LILRB5: variants seen among roughly 807,000 people sequenced by gnomAD.
LILRB5 encodes the protein leukocyte immunoglobulin like receptor B5, also known as leukocyte immunoglobulin-like receptor subfamily B member 5.
A neutral mutation model predicts 68.4 loss-of-function variants in LILRB5; 61 were observed. The ratio of observed to expected loss-of-function variants is 0.89; its 90% confidence interval spans 0.73 to 1.10. The LOEUF (loss-of-function observed/expected upper bound fraction) is 1.10. Ranked by LOEUF, LILRB5 falls within the 50% of genes least tolerant of loss-of-function variation. The pLI, the probability that LILRB5 is intolerant of heterozygous loss-of-function variation, is 0.00. For missense variants in LILRB5, 771 were observed against 751.6 expected, an observed-to-expected ratio of 1.03 and a Z score of -0.30; for synonymous variants, 356 against 315.8, an observed-to-expected ratio of 1.13 and a Z score of -1.35.
At chr19:54,255,730 C>G in intron 4 of LILRB5, 148 bp from the exon 5 acceptor site, 1 of 1,011,458 alleles carries the variant, frequency 9.9e-7, no homozygotes, top group Non-Finnish European at 1.4e-6. Flanking sequence ...CTGGGTCTGT[C>G]TTGGAGTAGT....
rs896038328 is a variant in LILRB5 at position 54,253,052 on chromosome 19, C to T, written c.1358-65G>A. 8.3e-5 allele frequency: 91 copies of T among 1,096,454 alleles called. No homozygotes were observed. The Admixed American group carries it at 1.7e-3, about 20-fold the overall frequency. 67.9% of individuals were successfully genotyped at this position (1,096,454 alleles called of 1,614,324 possible). A position where few individuals can be genotyped will look rare whatever the true frequency, so the allele number is the denominator to read the frequency against. On this transcript the variant is annotated intron_variant, in intron 8 of 12. Coordinates refer to ENST00000449561, the MANE Select transcript of LILRB5 (RefSeq NM_001081442.3). ...GATGTGAGCACCTTCTGTGTGCAGG[C>T]GCGAGCTAGGTCTTTCCTTCATGAG...
At chr19:54,252,675 G>GT (rs1470360021) in intron 9 of LILRB5, 126 bp from the exon 10 acceptor site, 4 of 1,144,458 alleles carry the variant, frequency 3.5e-6, no homozygotes, top group Non-Finnish European at 5.1e-6. Context: ...TACGTCGTAA[G>GT]TTTAAAGTAA....
At position 54,252,873 on chromosome 19, in the gene LILRB5, G is replaced by C; in HGVS notation, c.1472C>G (p.Ser491Trp). The change falls in exon 9 of 13, where the codon TCG becomes TGG. Residue 491 changes from serine to tryptophan, a missense_variant and splice_region_variant. Physicochemically the swap from Ser to Trp is radical, Grantham distance 177. Coordinates refer to ENST00000449561, the MANE Select transcript of LILRB5 (RefSeq NM_001081442.3). Reference protein sequence around the residue: ...RHRHQSKHRTSAHFYRPAGAA... With the variant: ...RHRHQSKHRTWAHFYRPAGAA... ...GGGTTCCCCCATTCCCTACTCACCC[G>C]ATGTCCTGTGTTTGCTCTGATGCCG... 6.2e-7 allele frequency: 1 copy of C among 1,603,414 alleles called. No homozygotes were observed. Among genetic ancestry groups the C allele is most frequent in the Non-Finnish European group, 8.5e-7 (1 of 1,173,362 alleles).
At position 54,250,757 on chromosome 19, in the gene LILRB5, T is replaced by C; in HGVS notation, c.*29A>G. On this transcript the variant is annotated 3_prime_UTR_variant, in exon 13 of 13. Coordinates refer to ENST00000449561, the MANE Select transcript of LILRB5 (RefSeq NM_001081442.3). The stretch of plus-strand genomic sequence containing the variant: ...TCTGGAGTCTCTGAGTCTCCTTCTG[T>C]TGAGTATGAGATCTGGGTCCCCCGT... 6.2e-7 allele frequency: 1 copy of C among 1,613,628 alleles called. No homozygotes were observed. Among genetic ancestry groups the C allele is most frequent in the Non-Finnish European group, 8.5e-7 (1 of 1,179,700 alleles).
intron 7 of LILRB5, 50 bp from the exon 8 acceptor site, chr19:54,254,118 C>CCCCTGGGGGAGG (rs2079043587): frequency 1.3e-6 from 2 of 1,565,504 alleles, no homozygotes; most frequent in Non-Finnish European, 1.7e-6. Context: ...CTCCCCACAT[C>CCCCTGGGGGAGG]AGCCCGGCTG....
At position 54,256,092 on chromosome 19, in the gene LILRB5, GT is replaced by G; in HGVS notation, c.605del (p.Asn202ThrfsTer26). On this transcript the variant is annotated frameshift_variant, in exon 4 of 13. Coordinates refer to ENST00000449561, the MANE Select transcript of LILRB5 (RefSeq NM_001081442.3). LOFTEE classifies it high-confidence loss of function. ...CACTGGGGTTCGACCACACCTGAGGGTTTTTCCTGTAATAGTAATAGCATCT... is the reference window on the plus strand; with the variant it reads ...CACTGGGGTTCGACCACACCTGAGGGTTTTCCTGTAATAGTAATAGCATCT... ...RFRCYYYYRK[N>X]PQVWSNPSDL... is the part of the protein sequence containing the mutation. The G allele has an allele frequency of 6.3e-7, 1 of 1,587,512 alleles. No individual in the cohort carries two copies. Among genetic ancestry groups the G allele is most frequent in the South Asian group, 1.1e-5 (1 of 87,836 alleles).
At position 54,256,513 on chromosome 19, in the gene LILRB5, C is replaced by G; in HGVS notation, c.331G>C (p.Asp111His). The change falls in exon 3 of 13, where the codon GAC (aspartate) becomes CAC (histidine). Residue 111 changes from aspartate (D) to histidine (H), a missense_variant. Coordinates refer to ENST00000449561, the MANE Select transcript of LILRB5 (RefSeq NM_001081442.3). ...ETPAGWSEPSDPLELVATGFY... is the reference protein window; with the variant it reads ...ETPAGWSEPSHPLELVATGFY... ...CCTGTCGCCACCAGCTCCAGGGGGT[C>G]ACTGGGCTCTGACCAGCCTGCAGGG... The G allele has an allele frequency of 5.0e-6, 8 of 1,614,112 alleles. No homozygotes were observed. Among genetic ancestry groups the G allele is most frequent in the Non-Finnish European group, 5.9e-6 (7 of 1,179,986 alleles).
At chr19:54,253,528 C>T (rs2079025876) in intron 8 of LILRB5, 1 of 306,912 alleles carries the variant, frequency 3.3e-6, no homozygotes, top group Non-Finnish European at 6.1e-6. Flanking sequence ...AGGACGGTGC[C>T]CCTGCCGAGC....
intron 8 of LILRB5, 160 bp downstream of exon 8, chr19:54,253,858 T>G: frequency 6.7e-7 from 1 of 1,503,586 alleles, no homozygotes; most frequent in East Asian, 2.5e-5. Flanking sequence ...AAGAATCCCA[T>G]CAATGCAGGC....
Position 54,254,788 on chromosome 19 carries a change from G to T in LILRB5, c.1202C>A (p.Ser401Tyr), listed in dbSNP as rs919751469. The T allele has an allele frequency of 4.3e-6, 7 of 1,614,064 alleles. No homozygotes were observed. Among genetic ancestry groups the T allele is most frequent in the Admixed American group, 3.3e-5 (2 of 60,000 alleles). ...GTYRCYSAIR[S>Y]YPYLLSSPSY... ...AGGGCTGGACAGCAGGTAGGGGTAG[G>T]ACCTGATTGCGCTGTAGCATCGGTA... is the stretch of plus-strand genomic sequence containing the variant. Residue 401 changes from serine (S) to tyrosine (Y), a missense_variant, in exon 6 of 13, where the codon TCC becomes TAC. Physicochemically the swap from Ser to Tyr is moderately radical, Grantham distance 144. Transcript: ENST00000449561.
intron 6 of LILRB5, 72 bp from the exon 7 acceptor site, chr19:54,254,487 G>A (rs371813588): frequency 1.5e-5 from 23 of 1,485,742 alleles, no homozygotes; most frequent in Admixed American, 1.3e-4. Flanking sequence ...CCACCTGCCC[G>A]TGGCTTCTCT....
rs534134163 is a variant in LILRB5 at position 54,250,820 on chromosome 19, T to A, written c.1742A>T (p.Glu581Val). The change falls in exon 13 of 13, where the codon GAA (glutamate) becomes GTA (valine). Residue 581 changes from glutamate to valine, a missense_variant. Physicochemically the swap from Glu to Val is moderately radical, Grantham distance 121. Transcript: ENST00000449561. ...GGCCAGGGGGGCGTAGATGCTGGGT[T>A]CAGCTGGAGGTTCCCTTTCCTGGGA... ...PPSQEREPPA[E>V]PSIYAPLAIH The A allele has an allele frequency of 8.0e-5, 129 of 1,614,132 alleles. No homozygotes were observed. The East Asian group carries it at 2.2e-3, about 27-fold the overall frequency.
chr19:54,253,091 A>G, intron 8 of LILRB5, 104 bp from the exon 9 acceptor site: 1 of 565,112 alleles, frequency 1.8e-6, no homozygotes, highest in Non-Finnish European at 2.8e-6. Context: ...CAACCCTCAC[A>G]GCAGTTGTGC....
chr19:54,250,914 G>T lies in LILRB5; in HGVS notation c.1648C>A (p.Pro550Thr). 1 of 1,594,784 alleles carries T rather than the reference G, an allele frequency of 6.3e-7. No individual in the cohort carries two copies. Among genetic ancestry groups the T allele is most frequent in the South Asian group, 1.1e-5 (1 of 90,578 alleles). ...AGCTGGGCGTAGGTCACATCCTGGG[G>T]GGCTTCAGATGCAGCAGCCTGCAGC... is the stretch of plus-strand genomic sequence containing the variant. ...MDAPAAASEA[P>T]QDVTYAQLHS... Residue 550 changes from proline (P) to threonine (T), a missense_variant, in exon 13 of 13, where the codon CCC (proline) becomes ACC (threonine). Physicochemically the swap from Pro to Thr is conservative, Grantham distance 38. Coordinates refer to ENST00000449561, the MANE Select transcript of LILRB5 (RefSeq NM_001081442.3).
intron 4 of LILRB5, 121 bp from the exon 5 acceptor site, chr19:54,255,703 C>T (rs548903621): frequency 3.1e-4 from 380 of 1,236,982 alleles, no homozygotes; most frequent in Non-Finnish European, 9.5e-5. Flanking sequence ...TCTCGGATCC[C>T]GGGGCCTCCT....
chr19:54,254,227 C>A, intron 7 of LILRB5, 138 bp downstream of exon 7: 1 of 1,447,618 alleles, frequency 6.9e-7, no homozygotes, highest in Non-Finnish European at 9.3e-7. Context: ...AGCCTGTGGC[C>A]CCTCCTCTGG....
In LILRB5 at chr19:54,255,388, G is replaced by A; in HGVS notation, c.850C>T (p.Pro284Ser). The A allele has an allele frequency of 6.2e-7, 1 of 1,614,128 alleles. No individual in the cohort carries two copies. Among genetic ancestry groups the A allele is most frequent in the African/African-American group, 1.3e-5 (1 of 75,050 alleles). ...TGGCCCCCGTGGGAGCGGCTCACAG[G>A]GCCCAGGGTGAAGTTGGCCTGGGAG... Reference protein sequence around the residue: ...GLSQANFTLGPVSRSHGGQYR... With the variant: ...GLSQANFTLGSVSRSHGGQYR... Residue 284 changes from proline (P) to serine (S), a missense_variant, in exon 5 of 13, where the codon CCT (proline) becomes TCT (serine). Pro to Ser is a moderately conservative substitution (Grantham distance 74). Coordinates refer to ENST00000449561, the MANE Select transcript of LILRB5 (RefSeq NM_001081442.3).
rs1457792362 is a variant in LILRB5, at chr19:54,254,396, G to GCTGGGAT, written c.1268_1274dup (p.Ser425ArgfsTer17). The GCTGGGAT allele has an allele frequency of 6.3e-7, 1 of 1,586,204 alleles. No homozygotes were observed. Among genetic ancestry groups the GCTGGGAT allele is most frequent in the Non-Finnish European group, 8.6e-7 (1 of 1,166,286 alleles). Reference sequence around the variant, plus strand: ...TGGGGGTGGAGCCTGTAGGTGAGAGGCTGGGATCCCCAGAGGGTCCTGGGA... The same window carrying GCTGGGAT: ...TGGGGGTGGAGCCTGTAGGTGAGAGGCTGGGATCTGGGATCCCCAGAGGGTCCTGGGA... On this transcript the variant is annotated frameshift_variant, in exon 7 of 13. Transcript: ENST00000449561. LOFTEE classifies it high-confidence loss of function.
At chr19:54,255,065 CT>C (rs1453479940) in intron 5 of LILRB5, 28 bp from the exon 6 acceptor site, 1 of 1,573,888 alleles carries the variant, frequency 6.4e-7, no homozygotes, top group Non-Finnish European at 8.6e-7. Flanking sequence ...GGGTGAGGGG[CT>C]GCCCCACCTT....
Sources: gnomAD v4.1 joint callset for allele counts on GRCh38, gnomAD v4.1.1 for gene constraint, MANE v1.5 for transcripts, NCBI Gene and HGNC (gene_info 2026-07-23, HGNC 2026-07-21) for gene names.